The following TERB1 variants were observed in gnomAD, a reference collection of about 807,000 sequenced individuals.
The protein encoded by TERB1 is telomere repeats-binding bouquet formation protein 1.
In TERB1, 63 loss-of-function variants were observed where a neutral mutation model predicts 92.3. That is an observed-to-expected ratio of 0.68 (90% confidence interval 0.56 to 0.84). The LOEUF (loss-of-function observed/expected upper bound fraction) is 0.84, where lower values mean the gene tolerates loss of function less well. TERB1 is among the 40% of genes least tolerant of loss of function. TERB1 has a pLI of 0.00. For missense variants in TERB1, 709 were observed against 843.7 expected (o/e 0.84, Z 1.98); for synonymous variants, 252 against 283.9 (o/e 0.89, Z 1.13).
intron 16 of TERB1, 34 bp from the exon 17 acceptor site, chr16:66,759,324 G>A: frequency 2.1e-6 from 3 of 1,454,362 alleles, no homozygotes; most frequent in South Asian, 2.7e-5. Context: ...ATGTGTAGAT[G>A]TCACAAAATA....
intron 1 of TERB1, 89 bp downstream of exon 1, chr16:66,801,379 A>C (rs1379710458): frequency 6.6e-6 from 1 of 152,272 alleles, no homozygotes; most frequent in Non-Finnish European, 1.5e-5. Context: ...CGTCCCCCCA[A>C]CTCGACCCTT....
At position 66,775,252 on chromosome 16, in the gene TERB1, CAT is replaced by C. The variant is rs1326236645; in HGVS notation, c.986-11_986-10del. On this transcript the variant is annotated splice_polypyrimidine_tract_variant and intron_variant, in intron 11 of 18. Coordinates refer to ENST00000433154, the MANE Select transcript of TERB1 (RefSeq NM_001136505.2). ...GTCATACTGATTTTCCTCTGGAAAA[CAT>C]AAACAAAGAGGACAATGTTTTTTAT... 4 of 1,546,130 alleles carry C rather than the reference CAT, an allele frequency of 2.6e-6. No homozygotes were observed. The South Asian group carries it at 4.8e-5, about 18-fold the overall frequency.
Position 66,754,740 on chromosome 16 carries a change from TAAACA to T in TERB1, c.*231_*235del, listed in dbSNP as rs2018108424. On this transcript the variant is annotated 3_prime_UTR_variant, in exon 19 of 19. Coordinates refer to ENST00000433154, the MANE Select transcript of TERB1 (RefSeq NM_001136505.2). ...TTAAGGAAAAATAAAAGCATATTCCTAAACAAATGTTTGATCTTATGAAGGAATTT... is the reference window on the plus strand; with the variant it reads ...TTAAGGAAAAATAAAAGCATATTCCTAATGTTTGATCTTATGAAGGAATTT... 1 of 466,248 alleles carries T rather than the reference TAAACA, an allele frequency of 2.1e-6. No homozygotes were observed. Among genetic ancestry groups the T allele is most frequent in the African/African-American group, 2.0e-5 (1 of 49,538 alleles). The allele number at this position is 466,248 out of a possible 1,614,324, so 28.9% of individuals were successfully genotyped here.
intron 3 of TERB1, among the ~76,000 whole-genome samples, chr16:66,794,320 A>C (rs2145249322): frequency 6.6e-6 from 1 of 151,940 alleles, no homozygotes; most frequent in South Asian, 2.1e-4. Context: ...GGCTGGTTTC[A>C]AACTCCTGAG....
intron 3 of TERB1, among the ~76,000 whole-genome samples, chr16:66,794,909 CAAAAAAAAA>C (rs58303083): frequency 7.6e-5 from 10 of 132,410 alleles, no homozygotes; most frequent in African/African-American, 2.1e-4. Context: ...GACTCCGTCT[CAAAAAAAAA>C]AAAAACACAC....
intron 13 of TERB1, among the ~76,000 whole-genome samples, chr16:66,771,054 T>C (rs953114951): frequency 2.6e-5 from 4 of 152,146 alleles, no homozygotes; most frequent in Non-Finnish European, 5.9e-5. Flanking sequence ...TTTTGCCATG[T>C]TGCCCAAGCT....
intron 3 of TERB1, among the ~76,000 whole-genome samples, chr16:66,795,901 A>G (rs2145258213): frequency 6.6e-6 from 1 of 152,252 alleles, no homozygotes. Flanking sequence ...GGTGTGTACC[A>G]CCACGCCCAG....
At chr16:66,762,837 C>A (rs930961910) in intron 16 of TERB1, among the ~76,000 whole-genome samples, 1 of 151,864 alleles carries the variant, frequency 6.6e-6, no homozygotes, top group Non-Finnish European at 1.5e-5. Flanking sequence ...GCATGCAACA[C>A]CACACTCAGC....
At chr16:66,786,378 T>G in intron 6 of TERB1, 93 bp from the exon 7 acceptor site, 1 of 850,306 alleles carries the variant, frequency 1.2e-6, no homozygotes, top group African/African-American at 1.7e-5. Context: ...ATAAATAACT[T>G]TTAAACAACT....
chr16:66,771,872 CAT>C (rs1027816338), intron 13 of TERB1, among the ~76,000 whole-genome samples: 1 of 152,102 alleles, frequency 6.6e-6, no homozygotes, highest in African/African-American at 2.4e-5. Context: ...TTTTTTAACA[CAT>C]ATGCATATAC....
chr16:66,765,311 A>T (rs745519963), intron 16 of TERB1, among the ~76,000 whole-genome samples: 2 of 152,220 alleles, frequency 1.3e-5, no homozygotes, highest in Non-Finnish European at 2.9e-5. Flanking sequence ...AAGCCAAAAG[A>T]AATGCCTAAT....
At chr16:66,771,782 C>T (rs1337954132) in intron 13 of TERB1, among the ~76,000 whole-genome samples, 8 of 152,048 alleles carry the variant, frequency 5.3e-5, no homozygotes, top group Non-Finnish European at 1.2e-4. Flanking sequence ...AATTATGGCA[C>T]ATCTGCAATA....
intron 15 of TERB1, 137 bp from the exon 16 acceptor site, chr16:66,767,647 A>ATTT: frequency 1.8e-6 from 1 of 565,032 alleles, no homozygotes; most frequent in East Asian, 3.2e-5. Flanking sequence ...ATAAACAGAA[A>ATTT]GATTCTGGAT....
chr16:66,792,522 G>A (rs2018853016), intron 3 of TERB1, among the ~76,000 whole-genome samples: 1 of 152,184 alleles, frequency 6.6e-6, no homozygotes, highest in East Asian at 1.9e-4. Context: ...ATAACTGGAT[G>A]GAATCTACAG....
chr16:66,770,137 G>C lies in TERB1; in HGVS notation c.1445C>G (p.Ser482Cys), dbSNP rs1339732998. The C allele has an allele frequency of 2.6e-6, 4 of 1,552,112 alleles. No individual in the cohort carries two copies. The highest frequency in any genetic ancestry group is 2.6e-6 in the Non-Finnish European group (3 of 1,147,130). Residue 482 changes from serine (S) to cysteine (C), a missense_variant, in exon 14 of 19, where the codon TCT (serine) becomes TGT (cysteine). Coordinates refer to ENST00000433154, the MANE Select transcript of TERB1 (RefSeq NM_001136505.2). ...TTGGTCATCATTTGTACATGCTTTA[G>C]ACATGACTCCATGGGACTTATAACT... ...LQSYKSHGVM[S>C]KACTNDDQMK...
intron 16 of TERB1, among the ~76,000 whole-genome samples, chr16:66,766,944 T>C (rs1332635722): frequency 6.6e-6 from 1 of 152,156 alleles, no homozygotes; most frequent in African/African-American, 2.4e-5. Context: ...CTGGCCCAGA[T>C]AGAAGATATT....
In TERB1 at chr16:66,770,028, C is replaced by T. The variant is rs2018417526; in HGVS notation, c.1554G>A (p.Lys518=). The stretch of plus-strand genomic sequence containing the variant: ...CATGTAAGTTTTGATTGCAGCTTGA[C>T]TTGGCTTTATATAAAGTCTTATTTT... ...SEQNKTLYKA[K]SSCNQNLHEE... The change falls in exon 14 of 19, where the codon AAG becomes AAA. Residue 518 remains lysine, a synonymous_variant. Coordinates refer to ENST00000433154, the MANE Select transcript of TERB1 (RefSeq NM_001136505.2). The T allele has an allele frequency of 6.4e-7, 1 of 1,551,706 alleles. No individual in the cohort carries two copies. The highest frequency in any genetic ancestry group is 2.4e-5 in the East Asian group (1 of 40,910).
At chr16:66,781,762 C>T (rs571635507) in intron 9 of TERB1, among the ~76,000 whole-genome samples, 18 of 152,232 alleles carry the variant, frequency 1.2e-4, no homozygotes, top group Admixed American at 3.9e-4. Flanking sequence ...CCTCGTGATC[C>T]GCCTGTCTCG....
intron 16 of TERB1, among the ~76,000 whole-genome samples, chr16:66,763,581 G>T (rs897432316): frequency 1.3e-5 from 2 of 152,000 alleles, no homozygotes; most frequent in Admixed American, 6.6e-5. Flanking sequence ...TTTTAAAAAA[G>T]AAATTGTAAT....
Sources: gnomAD v4.1 joint callset for allele counts (sites outside exome capture counted in the v4.1 genomes callset) on GRCh38, gnomAD v4.1.1 for gene constraint, MANE v1.5 for transcripts, NCBI Gene and HGNC (gene_info 2026-07-23, HGNC 2026-07-21) for gene names.